The following CENPI variants were observed in gnomAD, a reference collection of about 807,000 sequenced individuals.
CENPI encodes the protein centromere protein I, also known as FSH primary response 1.
Under a neutral mutation model 60.4 loss-of-function variants are expected in CENPI, and 4 were observed. That is an observed-to-expected ratio of 0.07 (90% CI 0.03 to 0.15). The LOEUF (loss-of-function observed/expected upper bound fraction) is 0.15. Among genes scored for constraint, CENPI ranks in the 10% least tolerant of loss-of-function variants. The pLI is 1.00. For missense variants in CENPI, 444 were observed against 534.5 expected (o/e 0.83, Z 1.67); for synonymous variants, 157 against 189.4 (o/e 0.83, Z 1.40).
intron 3 of CENPI, 94 bp from the exon 4 acceptor site, chrX:101,102,180 C>T (rs2089423999): frequency 1.5e-6 from 1 of 682,166 alleles, no homozygotes; most frequent in South Asian, 3.9e-5. Context: ...GGTTATTAAG[C>T]TATTCCTTTA....
downstream of CENPI, among the ~76,000 whole-genome samples, chrX:101,167,533 G>T (rs1317011838): frequency 1.8e-5 from 2 of 111,445 alleles, no homozygotes; most frequent in African/African-American, 6.5e-5. Flanking sequence ...TCAGCTTCAT[G>T]GACTAGGTTA....
chrX:101,167,407 G>A (rs2090147173), downstream of CENPI, among the ~76,000 whole-genome samples: 1 of 111,889 alleles, frequency 8.9e-6, no homozygotes, highest in African/African-American at 3.2e-5. Flanking sequence ...GCATCCATTT[G>A]TATGCAACTT....
chrX:101,121,320 C>T (rs773252420), intron 8 of CENPI, among the ~76,000 whole-genome samples: 17 of 109,987 alleles, frequency 1.5e-4, no homozygotes, highest in African/African-American at 5.6e-4. Flanking sequence ...TGGAGTTTCA[C>T]TCTTTTCGCC....
intron 20 of CENPI, among the ~76,000 whole-genome samples, chrX:101,159,418 T>A (rs2090085606): frequency 9.1e-6 from 1 of 110,307 alleles, no homozygotes; most frequent in East Asian, 2.9e-4. Flanking sequence ...CACCTCAGCC[T>A]CCCAAAGTGC....
chrX:101,176,353 C>T, the CENPI span, among the ~76,000 whole-genome samples: 1 of 110,514 alleles, frequency 9.0e-6, no homozygotes, highest in Non-Finnish European at 1.9e-5. Flanking sequence ...TTTTGAACCT[C>T]CCCTACTGTT....
intron 20 of CENPI, among the ~76,000 whole-genome samples, chrX:101,161,082 TA>T (rs1234999716): frequency 1.8e-5 from 2 of 112,469 alleles, no homozygotes; most frequent in Non-Finnish European, 3.8e-5. Flanking sequence ...TGATATATGA[TA>T]AAAACCTGCC....
chrX:101,174,105 T>C, the CENPI span, among the ~76,000 whole-genome samples: 2 of 112,090 alleles, frequency 1.8e-5, no homozygotes, highest in Non-Finnish European at 3.8e-5. Flanking sequence ...TAGATGTTAG[T>C]GAGACTGCGG....
rs373712786 is a variant in CENPI, at chrX:101,148,991, A to G, written c.2094+830A>G. 1.3e-4 allele frequency among the ~76,000 whole-genome samples: 15 copies of G among 111,778 alleles called. No homozygotes were observed. In the East Asian group the frequency reaches 3.3e-3, roughly 25 times the overall value. On this transcript the variant is annotated intron_variant, in intron 20 of 21. Coordinates refer to ENST00000682095, the MANE Select transcript of CENPI (RefSeq NM_001386188.2). ...AGTCAGGGAGGCAGTCATTAAACAG[A>G]CATCTTAGAAAAAACAATAATAAGT...
chrX:101,153,957 A>C (rs1408154537), intron 20 of CENPI, among the ~76,000 whole-genome samples: 3 of 111,643 alleles, frequency 2.7e-5, no homozygotes, highest in African/African-American at 6.5e-5. Context: ...TAAGTATACA[A>C]CTTCATTTTT....
At chrX:101,120,877 T>A (rs992641787) in intron 8 of CENPI, 93 bp downstream of exon 8, 11 of 120,831 alleles carry the variant, frequency 9.1e-5, no homozygotes, top group Non-Finnish European at 1.7e-4. Context: ...ACTCTTGATC[T>A]TTTTTTTTTT....
At chrX:101,149,408 G>A (rs1292223076) in intron 20 of CENPI, among the ~76,000 whole-genome samples, 1 of 111,156 alleles carries the variant, frequency 9.0e-6, no homozygotes, top group East Asian at 2.8e-4. Context: ...TGAACTCTGT[G>A]TTAGAGCCTG....
At chrX:101,159,041 T>G (rs2090080775) in intron 20 of CENPI, among the ~76,000 whole-genome samples, 1 of 111,657 alleles carries the variant, frequency 9.0e-6, no homozygotes, top group Admixed American at 9.5e-5. Flanking sequence ...CAAGAGATAT[T>G]GACAGTGATT....
rs1301428833 is a variant in CENPI at position 101,125,296 on chromosome X, C to T, written c.688-1413C>T. ...GCTAACTTGGTTACTATTTGACCAT[C>T]TTCATTCTAGGTTCCAAAATCTTAT... On this transcript the variant is annotated intron_variant, in intron 8 of 21. Transcript: ENST00000682095. Among the ~76,000 whole-genome samples the T allele has an allele frequency of 1.4e-4, 16 of 111,818 alleles. No homozygotes were observed. The Admixed American group carries it at 1.5e-3, about 11-fold the overall frequency.
intron 13 of CENPI, among the ~76,000 whole-genome samples, chrX:101,131,129 A>G (rs2089791846): frequency 9.0e-6 from 1 of 110,987 alleles, no homozygotes; most frequent in Non-Finnish European, 1.9e-5. Flanking sequence ...AGCTAGGACT[A>G]CAGGTGTGCA....
chrX:101,113,149 CT>C (rs889960800), intron 6 of CENPI, among the ~76,000 whole-genome samples: 6 of 109,429 alleles, frequency 5.5e-5, no homozygotes, highest in African/African-American at 2.0e-4. Flanking sequence ...TGCTTTAACT[CT>C]TTTTTTCTTT....
chrX:101,143,130 C>T (rs1168858154), intron 16 of CENPI, among the ~76,000 whole-genome samples: 4 of 97,898 alleles, frequency 4.1e-5, no homozygotes, highest in Admixed American at 1.1e-4. Context: ...TGTAGATGCT[C>T]GCCTATTTGA....
At chrX:101,139,820 GT>G (rs35960415) in intron 15 of CENPI, among the ~76,000 whole-genome samples, 24,229 of 89,511 alleles carry the variant, frequency 0.27, 2,361 homozygotes, top group South Asian at 0.35. Flanking sequence ...ATTATTGTAT[GT>G]TTTTTTTTTT....
At chrX:101,154,579 T>TA (rs928030101) in intron 20 of CENPI, among the ~76,000 whole-genome samples, 1 of 110,795 alleles carries the variant, frequency 9.0e-6, no homozygotes, top group East Asian at 2.9e-4. Context: ...AAACTCTGTC[T>TA]AAAAAAACAA....
At chrX:101,146,358 C>G in intron 18 of CENPI, 81 bp downstream of exon 18, 1 of 951,260 alleles carries the variant, frequency 1.1e-6, no homozygotes, top group East Asian at 3.4e-5. Context: ...AATAAATATT[C>G]CTACTCGTCT....
Sources: gnomAD v4.1 joint callset for allele counts (sites outside exome capture counted in the v4.1 genomes callset) on GRCh38, gnomAD v4.1.1 for gene constraint, MANE v1.5 for transcripts, NCBI Gene and HGNC (gene_info 2026-07-23, HGNC 2026-07-21) for gene names.